The following PUS10 variants were observed in gnomAD, a reference collection of about 807,000 sequenced individuals.
PUS10 encodes the protein pseudouridine synthase 10.
Under a neutral mutation model 75.0 loss-of-function variants are expected in PUS10, and 59 were observed. The ratio of observed to expected loss-of-function variants is 0.79; its 90% CI spans 0.64 to 0.98. The LOEUF (loss-of-function observed/expected upper bound fraction) is 0.98. Ranked by LOEUF, PUS10 falls within the 50% of genes least tolerant of loss-of-function variation. The pLI is 0.00. For synonymous variants in PUS10, 219 were observed against 211.6 expected, an observed-to-expected ratio of 1.03 and a Z score of -0.30; for missense variants, 650 against 614.4, an observed-to-expected ratio of 1.06 and a Z score of -0.61.
chr2:61,001,161 A>G (rs762955889), intron 4 of PUS10, among the ~76,000 whole-genome samples: 1 of 152,216 alleles, frequency 6.6e-6, no homozygotes, highest in Non-Finnish European at 1.5e-5. Context: ...CATGCTTTTC[A>G]TCTATTTCTT....
chr2:61,017,966 C>T (rs1680125604), intron 1 of PUS10, 42 bp downstream of exon 1: 1 of 1,341,586 alleles, frequency 7.5e-7, no homozygotes, highest in Non-Finnish European at 1.0e-6. Context: ...AACCAATACC[C>T]AACCTTGGGG....
chr2:60,989,533 T>A (rs1328346619), intron 4 of PUS10, among the ~76,000 whole-genome samples: 3 of 152,166 alleles, frequency 2.0e-5, no homozygotes, highest in Admixed American at 6.5e-5. Context: ...TAAAGAAATG[T>A]CACCTGCCCA....
intron 17 of PUS10, 25 bp downstream of exon 17, chr2:60,944,984 T>C (rs753149131): frequency 5.8e-6 from 9 of 1,550,270 alleles, no homozygotes; most frequent in Non-Finnish European, 8.0e-6. Flanking sequence ...TTTGCCAATG[T>C]GCATTCCACA....
intron 8 of PUS10, among the ~76,000 whole-genome samples, chr2:60,963,594 C>A (rs1263483969): frequency 6.6e-6 from 1 of 152,294 alleles, no homozygotes; most frequent in South Asian, 2.1e-4. Flanking sequence ...TCACATTTGA[C>A]TGAAAAGGAT....
intron 5 of PUS10, among the ~76,000 whole-genome samples, chr2:60,969,852 C>T (rs576373612): frequency 1.2e-4 from 18 of 152,118 alleles, no homozygotes; most frequent in African/African-American, 4.1e-4. Flanking sequence ...TTTGGGAGGC[C>T]GAGGCATGTG....
At chr2:60,943,038 A>G (rs34906318) in intron 17 of PUS10, among the ~76,000 whole-genome samples, 15,311 of 143,888 alleles carry the variant, frequency 0.11, 630 homozygotes, top group Middle Eastern at 0.15. Context: ...CTATCTCAGA[A>G]AAAAAAAAAA....
At chr2:60,962,102 C>G (rs960248441) in intron 9 of PUS10, among the ~76,000 whole-genome samples, 1 of 152,170 alleles carries the variant, frequency 6.6e-6, no homozygotes, top group African/African-American at 2.4e-5. Flanking sequence ...ACTCATGAGC[C>G]TTCCTCTCCC....
intron 4 of PUS10, among the ~76,000 whole-genome samples, chr2:60,991,591 G>A (rs149276554): frequency 0.012 from 1,876 of 152,156 alleles, 44 homozygotes; most frequent in African/African-American, 0.042. Context: ...TGAATAGCTG[G>A]GACTACAGGC....
chr2:60,997,334 G>C (rs933768475), intron 4 of PUS10, among the ~76,000 whole-genome samples: 35 of 152,260 alleles, frequency 2.3e-4, no homozygotes, highest in Non-Finnish European at 1.2e-4. Context: ...AGTGGGGCCA[G>C]GCGCGGTGGC....
chr2:60,993,360 G>A (rs905921025), intron 4 of PUS10, among the ~76,000 whole-genome samples: 1 of 152,028 alleles, frequency 6.6e-6, no homozygotes, highest in African/African-American at 2.4e-5. Flanking sequence ...GACAGGCTGA[G>A]GCAGAAGAAT....
intron 12 of PUS10, among the ~76,000 whole-genome samples, 190 bp downstream of exon 12, chr2:60,954,828 T>TGATTC (rs1448446779): frequency 6.6e-6 from 1 of 152,194 alleles, no homozygotes; most frequent in African/African-American, 2.4e-5. Context: ...TCTGAAGAAA[T>TGATTC]GATTCCTGTT....
chr2:61,007,788 A>G (rs939760320), intron 3 of PUS10, among the ~76,000 whole-genome samples: 3 of 143,848 alleles, frequency 2.1e-5, no homozygotes, highest in African/African-American at 7.8e-5. Flanking sequence ...AAAAAAACAG[A>G]AAAAAAAAAG....
Position 60,960,463 on chromosome 2 carries a change from C to G in PUS10, c.929G>C (p.Gly310Ala), listed in dbSNP as rs1357158115. 1.3e-6 allele frequency: 2 copies of G among 1,572,646 alleles called. No individual in the cohort carries two copies. Among genetic ancestry groups the G allele is most frequent in the East Asian group, 4.7e-5 (2 of 42,248 alleles). Residue 310 changes from glycine to alanine, a missense_variant, in exon 11 of 18, where the codon GGA (glycine) becomes GCA (alanine). Physicochemically the swap from Gly to Ala is moderately conservative, Grantham distance 60 (BLOSUM62 0). Coordinates refer to ENST00000316752, the MANE Select transcript of PUS10 (RefSeq NM_144709.4). ...NLPQTPWIID[G>A]ERKLESSVEE... is the part of the protein sequence containing the mutation. ...CACTGAAGATTCCAGCTTCCTTTCT[C>G]CATCAATTATCCAAGGAGTTTGTGG...
At chr2:60,989,560 A>T (rs1677945780) in intron 4 of PUS10, among the ~76,000 whole-genome samples, 1 of 152,190 alleles carries the variant, frequency 6.6e-6, no homozygotes, top group Non-Finnish European at 1.5e-5. Flanking sequence ...AAATGAAGAC[A>T]GATAGCTCAG....
chr2:60,999,848 A>G (rs938606305), intron 4 of PUS10, among the ~76,000 whole-genome samples: 3 of 152,204 alleles, frequency 2.0e-5, no homozygotes, highest in African/African-American at 4.8e-5. Flanking sequence ...GAGCAGGTAC[A>G]GGCTTTTTCC....
intron 8 of PUS10, among the ~76,000 whole-genome samples, chr2:60,963,894 C>A (rs1676181832): frequency 6.6e-6 from 1 of 152,190 alleles, no homozygotes; most frequent in African/African-American, 2.4e-5. Flanking sequence ...TTACTTGATG[C>A]CTATTATTAT....
intron 4 of PUS10, among the ~76,000 whole-genome samples, chr2:61,001,465 C>CAA (rs1678854322): frequency 1.3e-5 from 2 of 152,020 alleles, no homozygotes; most frequent in African/African-American, 2.4e-5. Context: ...TTAGTAGAGA[C>CAA]GGGATTTTAC....
intron 1 of PUS10, among the ~76,000 whole-genome samples, chr2:61,013,380 G>A (rs952417592): frequency 6.6e-6 from 1 of 152,150 alleles, no homozygotes; most frequent in African/African-American, 2.4e-5. Flanking sequence ...AGGAATGCAT[G>A]CTCTGAGAGG....
At chr2:60,991,623 A>AT (rs1678083337) in intron 4 of PUS10, among the ~76,000 whole-genome samples, 1 of 152,092 alleles carries the variant, frequency 6.6e-6, no homozygotes, top group Non-Finnish European at 1.5e-5. Flanking sequence ...TGTCCAGCTA[A>AT]TTTTTTATTT....
Sources: allele counts gnomAD v4.1 joint callset (sites outside exome capture counted in the v4.1 genomes callset), GRCh38; gene constraint gnomAD v4.1.1; transcripts MANE v1.5; gene names NCBI Gene and HGNC (gene_info 2026-07-23, HGNC 2026-07-21).